Variants in PRPF6 observed in about 807,000 individuals in gnomAD.
The protein encoded by PRPF6 is pre-mRNA-processing factor 6.
Under a neutral mutation model 118.3 loss-of-function variants are expected in PRPF6, and 42 were observed. The observed-to-expected ratio is 0.35, with a 90% CI of 0.28 to 0.46. The LOEUF is 0.46. PRPF6 is among the 20% of genes least tolerant of loss of function. The probability of loss-of-function intolerance (pLI) is 1.00; values close to 1 mark genes in which losing one functional copy is unlikely to be tolerated. For synonymous variants in PRPF6, 481 were observed against 485.1 expected, an observed-to-expected ratio of 0.99 and a Z score of 0.11; for missense variants, 662 against 1,255.7, an observed-to-expected ratio of 0.53 and a Z score of 7.15.
At chr20:64,015,939 C>T (rs1460018349) in intron 11 of PRPF6, among the ~76,000 whole-genome samples, 1 of 152,090 alleles carries the variant, frequency 6.6e-6, no homozygotes, top group Non-Finnish European at 1.5e-5. Flanking sequence ...CCAGCCTAGG[C>T]AACATAAGGA....
chr20:63,995,583 TC>T, intron 6 of PRPF6, 101 bp downstream of exon 6: 2 of 1,296,002 alleles, frequency 1.5e-6, no homozygotes, highest in African/African-American at 2.9e-5. Context: ...TTTCTTCTCC[TC>T]CTTCTCCTCC....
At chr20:63,985,066 T>A in intron 3 of PRPF6, 41 bp downstream of exon 3, 2 of 1,573,952 alleles carry the variant, frequency 1.3e-6, no homozygotes, top group Non-Finnish European at 1.7e-6. Flanking sequence ...TATCCAAGTT[T>A]AAAAAAAAGT....
At chr20:63,991,790 G>GA (rs879334225) in intron 3 of PRPF6, among the ~76,000 whole-genome samples, 46 of 137,628 alleles carry the variant, frequency 3.3e-4, no homozygotes, top group East Asian at 1.3e-3. Flanking sequence ...CTGTCTCAAA[G>GA]AAAAAAAAAA....
chr20:64,000,920 A>G (rs2059163742), intron 8 of PRPF6, among the ~76,000 whole-genome samples, 157 bp from the exon 9 acceptor site: 1 of 152,150 alleles, frequency 6.6e-6, no homozygotes, highest in African/African-American at 2.4e-5. Context: ...GTGTGGTTAT[A>G]AGGGGGCGAC....
chr20:64,025,892 G>A (rs2123094903), intron 14 of PRPF6, 47 bp from the exon 15 acceptor site: 1 of 1,613,120 alleles, frequency 6.2e-7, no homozygotes, highest in Non-Finnish European at 8.5e-7. Context: ...TCAGGCGCTG[G>A]TCCCTGTGTT....
Position 64,022,956 on chromosome 20 carries a change from C to T in PRPF6, c.1769+78C>T, listed in dbSNP as rs909974938. ...TTTGTGTAGCCCTGAATTTAAACCT[C>T]TCATGTCTGCTCATCCAGTCTTGTG... On this transcript the variant is annotated intron_variant, in intron 13 of 20. Coordinates refer to ENST00000266079, the MANE Select transcript of PRPF6 (RefSeq NM_012469.4). 14 of 1,599,822 alleles carry T rather than the reference C, an allele frequency of 8.8e-6. No homozygotes were observed. The African/African-American group carries it at 1.9e-4, about 21-fold the overall frequency.
chr20:64,019,616 A>G (rs2059254128), intron 12 of PRPF6, among the ~76,000 whole-genome samples: 1 of 152,186 alleles, frequency 6.6e-6, no homozygotes, highest in Admixed American at 6.5e-5. Flanking sequence ...GAGGCGATGG[A>G]GAATCTGAAA....
chr20:63,981,185 C>A lies in PRPF6; in HGVS notation c.-61C>A. On this transcript the variant is annotated 5_prime_UTR_variant, in exon 1 of 21. Coordinates refer to ENST00000266079, the MANE Select transcript of PRPF6 (RefSeq NM_012469.4). ...CGGACGTCGAAGCCTAGAGTCTCTGCGTCTTTCCCTCTTCCGCTGCCTCAT... is the reference window on the plus strand; with the variant it reads ...CGGACGTCGAAGCCTAGAGTCTCTGAGTCTTTCCCTCTTCCGCTGCCTCAT... The A allele has an allele frequency of 1.3e-6, 2 of 1,519,136 alleles. No homozygotes were observed. Among genetic ancestry groups the A allele is most frequent in the Non-Finnish European group, 1.8e-6 (2 of 1,114,240 alleles). 94.1% of individuals were successfully genotyped at this position (1,519,136 alleles called of 1,614,324 possible). A position where few individuals can be genotyped will look rare whatever the true frequency, so the allele number is the denominator to read the frequency against.
rs376038825 is a variant in PRPF6 at position 64,024,716 on chromosome 20, G to A, written c.1908+23G>A. ...CAGGTGGGTGAGGGTTGCCTGTGTGGTGAGGGGCCTGTGCACACAGGAGCT... is the reference window on the plus strand; with the variant it reads ...CAGGTGGGTGAGGGTTGCCTGTGTGATGAGGGGCCTGTGCACACAGGAGCT... On this transcript the variant is annotated intron_variant, in intron 14 of 20. Coordinates refer to ENST00000266079, the MANE Select transcript of PRPF6 (RefSeq NM_012469.4). The A allele has an allele frequency of 1.7e-5, 28 of 1,609,030 alleles. No individual in the cohort carries two copies. In the African/African-American group the frequency reaches 3.3e-4, roughly 19 times the overall value.
Position 64,016,778 on chromosome 20 carries a change from G to T in PRPF6, c.1580G>T (p.Arg527Leu), listed in dbSNP as rs371456581. The change falls in exon 12 of 21, where the codon CGT (arginine) becomes CTT (leucine). Residue 527 changes from arginine to leucine, a missense_variant. By Grantham distance (102) the Arg-to-Leu change is moderately radical. Coordinates refer to ENST00000266079, the MANE Select transcript of PRPF6 (RefSeq NM_012469.4). ...GSVATCQAVM[R>L]AVIGIGIEEE... Reference sequence around the variant, plus strand: ...GTGGCCACCTGCCAGGCCGTCATGCGTGCCGTGATTGGGATTGGGATTGAG... The same window carrying T: ...GTGGCCACCTGCCAGGCCGTCATGCTTGCCGTGATTGGGATTGGGATTGAG... 4.3e-6 allele frequency: 7 copies of T among 1,614,014 alleles called. No homozygotes were observed. The highest frequency in any genetic ancestry group is 5.9e-6 in the Non-Finnish European group (7 of 1,180,036).
rs1326618929 is a variant in PRPF6, at chr20:64,011,057, TG to T, written c.1306-227del. On this transcript the variant is annotated intron_variant, in intron 10 of 20. Transcript: ENST00000266079. The surrounding 1 kb of genome is among the most constrained non-coding windows in gnomAD (Gnocchi z 6.7). ...GAGGCTGTGTTTGTGAACATTCAAC[TG>T]AGAATCTTTTGATGCTCACGAGAGT... is the stretch of plus-strand genomic sequence containing the variant. 1.3e-5 allele frequency among the ~76,000 whole-genome samples: 2 copies of T among 152,190 alleles called. No homozygotes were observed. The highest frequency in any genetic ancestry group is 2.9e-5 in the Non-Finnish European group (2 of 68,034).
chr20:64,013,798 C>T lies in PRPF6; in HGVS notation c.1524+2295C>T, dbSNP rs1338285765. On this transcript the variant is annotated intron_variant, in intron 11 of 20. Coordinates refer to ENST00000266079, the MANE Select transcript of PRPF6 (RefSeq NM_012469.4). Reference sequence around the variant, plus strand: ...ACAGAATCCACCCATTTAAAGTTTACGATTCAGTGGTTTTAGTATATTCAC... The same window carrying T: ...ACAGAATCCACCCATTTAAAGTTTATGATTCAGTGGTTTTAGTATATTCAC... Among the ~76,000 whole-genome samples, 6 of 152,164 alleles carry T rather than the reference C, an allele frequency of 3.9e-5. No individual in the cohort carries two copies. The East Asian group carries it at 5.8e-4, about 15-fold the overall frequency.
chr20:64,016,942 T>A, intron 12 of PRPF6, 97 bp downstream of exon 12: 1 of 1,435,994 alleles, frequency 7.0e-7, no homozygotes, highest in African/African-American at 1.4e-5. Flanking sequence ...TAAAACTCTT[T>A]TTTTTTTTTT....
At chr20:63,989,976 C>T (rs1274863384) in intron 3 of PRPF6, among the ~76,000 whole-genome samples, 4 of 152,024 alleles carry the variant, frequency 2.6e-5, no homozygotes, top group Non-Finnish European at 5.9e-5. Context: ...GCCTCAGCCT[C>T]CCAAGTAGCC....
rs745861376 is a variant in PRPF6 at position 63,995,000 on chromosome 20, C to T, written c.523C>T (p.Arg175Cys). The change falls in exon 5 of 21, where the codon CGC becomes TGC. Residue 175 changes from arginine to cysteine, a missense_variant. By Grantham distance (180) the Arg-to-Cys change is radical (BLOSUM62 -3). Transcript: ENST00000266079. ...CAGAAATAAACGTCAGCGGAACCCACGCTATGAGAAGCTGACCCCTGTTCC... is the reference window on the plus strand; with the variant it reads ...CAGAAATAAACGTCAGCGGAACCCATGCTATGAGAAGCTGACCCCTGTTCC... Reference protein sequence around the residue: ...DARNKRQRNPRYEKLTPVPDS... With the variant: ...DARNKRQRNPCYEKLTPVPDS... 2 of 1,614,198 alleles carry T rather than the reference C, an allele frequency of 1.2e-6. No individual in the cohort carries two copies. Among genetic ancestry groups the T allele is most frequent in the Non-Finnish European group, 1.7e-6 (2 of 1,180,038 alleles).
At chr20:63,982,519 C>T (rs2059075265) in intron 1 of PRPF6, among the ~76,000 whole-genome samples, 1 of 152,136 alleles carries the variant, frequency 6.6e-6, no homozygotes, top group South Asian at 2.1e-4. Flanking sequence ...TCTGGCAGAG[C>T]ATGGGTTGAA....
Position 64,033,024 on chromosome 20 carries a change from G to T in PRPF6, c.*31G>T. On this transcript the variant is annotated 3_prime_UTR_variant, in exon 21 of 21. Transcript: ENST00000266079. ...CGGTTGCCATGGCCGGTCTCCGTGG[G>T]GCAGGGTTGGGCCGCATGTGGAAGG... 6.2e-7 allele frequency: 1 copy of T among 1,612,356 alleles called. No homozygotes were observed. The highest frequency in any genetic ancestry group is 8.5e-7 in the Non-Finnish European group (1 of 1,179,864).
chr20:64,016,095 G>A (rs2059236253), intron 11 of PRPF6, among the ~76,000 whole-genome samples: 1 of 151,976 alleles, frequency 6.6e-6, no homozygotes, highest in Admixed American at 6.6e-5. Context: ...TTCAGCCTGA[G>A]TGACAGGGAG....
At chr20:64,020,231 C>T (rs1318524508) in intron 12 of PRPF6, among the ~76,000 whole-genome samples, 1 of 152,132 alleles carries the variant, frequency 6.6e-6, no homozygotes, top group Non-Finnish European at 1.5e-5. Flanking sequence ...GCCTGGCCAA[C>T]ATGGTGAAAC....
Sources: allele counts gnomAD v4.1 joint callset (sites outside exome capture counted in the v4.1 genomes callset), GRCh38; gene constraint gnomAD v4.1.1; non-coding constraint Gnocchi (gnomAD v3.1); transcripts MANE v1.5; gene names NCBI Gene and HGNC (gene_info 2026-07-23, HGNC 2026-07-21).